Variants in ECHS1 observed in about 807,000 individuals in gnomAD.
ECHS1 encodes the protein enoyl-CoA hydratase, mitochondrial.
Under a neutral mutation model 33.5 loss-of-function variants are expected in ECHS1, and 19 were observed. The ratio of observed to expected loss-of-function variants is 0.57; its 90% CI spans 0.40 to 0.83. The LOEUF is 0.83. Ranked by LOEUF, ECHS1 falls within the 40% of genes least tolerant of loss-of-function variation. The probability of loss-of-function intolerance (pLI) is 0.00; values close to 1 mark genes in which losing one functional copy is unlikely to be tolerated. For missense variants in ECHS1, 365 were observed against 381.3 expected (o/e 0.96, Z 0.36); for synonymous variants, 158 against 146.6 (o/e 1.08, Z -0.56).
chr10:133,369,152 C>G (rs1849071611), intron 3 of ECHS1, 130 bp from the exon 4 acceptor site: 3 of 740,884 alleles, frequency 4.0e-6, no homozygotes, highest in Admixed American at 5.1e-5. Context: ...CATGGTGGCA[C>G]CAAACTAGAT....
intron 1 of ECHS1, 110 bp from the exon 2 acceptor site, chr10:133,370,867 C>A: frequency 9.1e-7 from 1 of 1,102,476 alleles, no homozygotes; most frequent in Admixed American, 3.0e-5. Flanking sequence ...CCAAGAGGCC[C>A]TCTGAGGGCT....
Position 133,368,984 on chromosome 10 carries a change from G to A in ECHS1, c.453C>T (p.Ile151=), listed in dbSNP as rs765666397. 8.7e-6 allele frequency: 14 copies of A among 1,613,588 alleles called. No individual in the cohort carries two copies. The highest frequency in any genetic ancestry group is 1.2e-5 in the Non-Finnish European group (14 of 1,179,958). ...ACTGGGCCTTCTCACCGGCATAGAT[G>A]ATATCACACATCATGGCAAGCTCAC... ...GGCELAMMCD[I]IYAGEKAQFA... The change falls in exon 4 of 8, where the codon ATC becomes ATT. Residue 151 remains isoleucine, a synonymous_variant. Transcript: ENST00000368547.
Position 133,369,953 on chromosome 10 carries a change from TG to T in ECHS1, c.364del (p.His122ThrfsTer26), listed in dbSNP as rs1849082584. 6.2e-7 allele frequency: 1 copy of T among 1,613,644 alleles called. No individual in the cohort carries two copies. Among genetic ancestry groups the T allele is most frequent in the South Asian group, 1.1e-5 (1 of 91,084 alleles). ...YSSKFLKHWD[H>X]LTQVKKPVIA... ...GACTGGCTTCTTGACCTGGGTGAGGTGGTCCCAGTGCTTCAAGAACTTGCTG... is the reference window on the plus strand; with the variant it reads ...GACTGGCTTCTTGACCTGGGTGAGGTGTCCCAGTGCTTCAAGAACTTGCTG... On this transcript the variant is annotated frameshift_variant, in exon 3 of 8. Transcript: ENST00000368547. LOFTEE classifies it high-confidence loss of function.
chr10:133,373,261 GC>G lies in ECHS1; in HGVS notation c.72del (p.Trp24CysfsTer26). 1 of 1,445,420 alleles carries G rather than the reference GC, an allele frequency of 6.9e-7. No individual in the cohort carries two copies. Among genetic ancestry groups the G allele is most frequent in the Non-Finnish European group, 9.0e-7 (1 of 1,107,828 alleles). 89.5% of individuals were successfully genotyped at this position (1,445,420 alleles called of 1,614,324 possible). On this transcript the variant is annotated frameshift_variant, in exon 1 of 8. Coordinates refer to ENST00000368547, the MANE Select transcript of ECHS1 (RefSeq NM_004092.4). LOFTEE classifies it high-confidence loss of function. The stretch of plus-strand genomic sequence containing the variant: ...GCGCACTCACCCGAGGCGAAGGGAC[GC>G]CAGGCGGGACAGCGAACCGGGGGCC... The part of the protein sequence containing the change: ...PLRPPVRCPA[W>X]RPFASGANFE...
At chr10:133,372,550 C>T (rs981461974) in intron 1 of ECHS1, among the ~76,000 whole-genome samples, 1 of 152,160 alleles carries the variant, frequency 6.6e-6, no homozygotes, top group African/African-American at 2.4e-5. Flanking sequence ...CGAGGGAACA[C>T]CCCGGATTTT....
In ECHS1 at chr10:133,364,955, C is replaced by G. The variant is rs61290287; in HGVS notation, c.740-230G>C. ...CCAAACGTCACACTCCGGTAGCCCA[C>G]GGCCCCAAGAAGGGAGAGGAACTGG... On this transcript the variant is annotated intron_variant, in intron 6 of 7. Transcript: ENST00000368547. Among the ~76,000 whole-genome samples the G allele has an allele frequency of 0.035, 5,279 of 152,246 alleles. 296 individuals carry two copies. Among genetic ancestry groups the G allele is most frequent in the African/African-American group, 0.12 (4,958 of 41,526 alleles).
In ECHS1 at chr10:133,362,871, C is replaced by G. The variant is rs754957782; in HGVS notation, c.870G>C (p.Gln290His). Residue 290 changes from glutamine (Q) to histidine (H), a missense_variant, in exon 8 of 8, where the codon CAG becomes CAC. By Grantham distance (24) the Gln-to-His change is conservative. Transcript: ENST00000368547. ...VEKRKANFKD[Q>H] is the part of the protein sequence containing the mutation. ...GTGAAGCAGGGGCAGCTGGTTCTCA[C>G]TGGTCTTTGAAGTTGGCCTTTCTCT... The G allele has an allele frequency of 5.0e-6, 8 of 1,614,064 alleles. No individual in the cohort carries two copies. The highest frequency in any genetic ancestry group is 1.7e-5 in the Admixed American group (1 of 60,010).
At chr10:133,368,742 C>T (rs546370408) in intron 4 of ECHS1, among the ~76,000 whole-genome samples, 181 bp downstream of exon 4, 1 of 152,110 alleles carries the variant, frequency 6.6e-6, no homozygotes, top group African/African-American at 2.4e-5. Context: ...ACTCTAAGGC[C>T]CCCCCCAAGC....
chr10:133,368,505 C>T (rs746695962), intron 4 of ECHS1, among the ~76,000 whole-genome samples: 1 of 152,086 alleles, frequency 6.6e-6, no homozygotes, highest in Non-Finnish European at 1.5e-5. Context: ...GCCCTTCTCA[C>T]GGGCCTGGGT....
rs1362974987 is a variant in ECHS1 at position 133,368,918 on chromosome 10, T to C, written c.514+5A>G. 6.2e-7 allele frequency: 1 copy of C among 1,612,996 alleles called. No homozygotes were observed. The highest frequency in any genetic ancestry group is 8.5e-7 in the Non-Finnish European group (1 of 1,179,490). ...ATCTATGCCAGAGACAGTGTCACTCTTTACCTGGGATGGTTCCTATTAAGA... is the reference window on the plus strand; with the variant it reads ...ATCTATGCCAGAGACAGTGTCACTCCTTACCTGGGATGGTTCCTATTAAGA... On this transcript the variant is annotated splice_donor_5th_base_variant and intron_variant, in intron 4 of 7. Coordinates refer to ENST00000368547, the MANE Select transcript of ECHS1 (RefSeq NM_004092.4).
At chr10:133,373,005 C>T (rs1319048392) in intron 1 of ECHS1, among the ~76,000 whole-genome samples, 1 of 26,428 alleles carries the variant, frequency 3.8e-5, no homozygotes, top group Non-Finnish European at 6.5e-5. Context: ...GGGGTCAGGC[C>T]GGAGGGTGCG....
rs957799060 is a variant in ECHS1, at chr10:133,362,718, G to A, written c.*150C>T. 2.3e-5 allele frequency: 19 copies of A among 814,724 alleles called. No individual in the cohort carries two copies. In the African/African-American group the frequency reaches 3.2e-4, roughly 14 times the overall value. 50.5% of individuals were successfully genotyped at this position (814,724 alleles called of 1,614,324 possible). A position where few individuals can be genotyped will look rare whatever the true frequency, so the allele number is the denominator to read the frequency against. On this transcript the variant is annotated 3_prime_UTR_variant, in exon 8 of 8. Coordinates refer to ENST00000368547, the MANE Select transcript of ECHS1 (RefSeq NM_004092.4). Reference sequence around the variant, plus strand: ...TGGGTGACGAAGGCTGTCATGCCGTGAGAGGTCGGGCCACGACCACGCAGC... The same window carrying A: ...TGGGTGACGAAGGCTGTCATGCCGTAAGAGGTCGGGCCACGACCACGCAGC...
intron 7 of ECHS1, 123 bp from the exon 8 acceptor site, chr10:133,363,056 G>T (rs1848984892): frequency 8.8e-7 from 1 of 1,134,610 alleles, no homozygotes; most frequent in South Asian, 1.3e-5. Flanking sequence ...CAGGGGGCCG[G>T]GGAGGGGACT....
intron 6 of ECHS1, among the ~76,000 whole-genome samples, chr10:133,365,682 T>C (rs1179164338): frequency 1.3e-5 from 2 of 152,220 alleles, no homozygotes; most frequent in South Asian, 2.1e-4. Context: ...ATTTGGGACC[T>C]CTGCTCCCTT....
In ECHS1 at chr10:133,365,996, G is replaced by T; in HGVS notation, c.719C>A (p.Ala240Asp). 1 of 1,613,890 alleles carries T rather than the reference G, an allele frequency of 6.2e-7. No homozygotes were observed. ...ASNSKIVVAM[A>D]KESVNAAFEM... The stretch of plus-strand genomic sequence containing the variant: ...CCTACCTGCATTCACTGATTCTTTG[G>T]CCATCGCTACTACAATTTTAGAATT... Residue 240 changes from alanine (A) to aspartate (D), a missense_variant, in exon 6 of 8, where the codon GCC (alanine) becomes GAC (aspartate). Transcript: ENST00000368547.
chr10:133,368,506 G>C (rs890468469), intron 4 of ECHS1, among the ~76,000 whole-genome samples: 1 of 152,018 alleles, frequency 6.6e-6, no homozygotes, highest in Non-Finnish European at 1.5e-5. Flanking sequence ...CCCTTCTCAC[G>C]GGCCTGGGTG....
Position 133,373,308 on chromosome 10 carries a change from G to T in ECHS1, c.26C>A (p.Ser9Tyr). 1 of 1,501,560 alleles carries T rather than the reference G, an allele frequency of 6.7e-7. No individual in the cohort carries two copies. The highest frequency in any genetic ancestry group is 8.8e-7 in the Non-Finnish European group (1 of 1,131,052). The allele number at this position is 1,501,560 out of a possible 1,614,324, so 93.0% of individuals were successfully genotyped here. Residue 9 changes from serine to tyrosine, a missense_variant, in exon 1 of 8, where the codon TCC becomes TAC. Coordinates refer to ENST00000368547, the MANE Select transcript of ECHS1 (RefSeq NM_004092.4). MAALRVLLSCVRGPLRPPV... is the reference protein window; with the variant it reads MAALRVLLYCVRGPLRPPV... ...GGGCCTCAGCGGGCCGCGGACGCAGGACAGCAGGACACGCAGGGCGGCCAT... is the reference window on the plus strand; with the variant it reads ...GGGCCTCAGCGGGCCGCGGACGCAGTACAGCAGGACACGCAGGGCGGCCAT...
chr10:133,369,612 G>C (rs1477586947), intron 3 of ECHS1, among the ~76,000 whole-genome samples: 1 of 152,184 alleles, frequency 6.6e-6, no homozygotes, highest in Admixed American at 6.5e-5. Flanking sequence ...AGCTTTCAAG[G>C]GGAGCAAAAG....
rs747369268 is a variant in ECHS1, at chr10:133,365,935, C to G, written c.739+41G>C. The G allele has an allele frequency of 4.4e-6, 7 of 1,608,806 alleles. No homozygotes were observed. The Admixed American group carries it at 6.7e-5, about 15-fold the overall frequency. On this transcript the variant is annotated intron_variant, in intron 6 of 7. Coordinates refer to ENST00000368547, the MANE Select transcript of ECHS1 (RefSeq NM_004092.4). ...TGCTGCTGAGGAATGCTCCTGACAG[C>G]CACGGAGACCTCTCCAGTGTCTTCC... is the stretch of plus-strand genomic sequence containing the variant.
Sources: allele counts gnomAD v4.1 joint callset (sites outside exome capture counted in the v4.1 genomes callset), GRCh38; gene constraint gnomAD v4.1.1; transcripts MANE v1.5; gene names NCBI Gene and HGNC (gene_info 2026-07-23, HGNC 2026-07-21).